The following TCFL5 variants were observed in gnomAD, a reference collection of about 807,000 sequenced individuals.
TCFL5 encodes the protein transcription factor-like 5 protein.
In TCFL5, 9 loss-of-function variants were observed where a neutral mutation model predicts 44.3. The observed-to-expected ratio is 0.20, with a 90% confidence interval of 0.12 to 0.35. The LOEUF is 0.35. Among genes scored for constraint, TCFL5 ranks in the 10% least tolerant of loss-of-function variants. The pLI is 1.00. For missense variants in TCFL5, 603 were observed against 613.4 expected (o/e 0.98, Z 0.18); for synonymous variants, 319 against 271.6 (o/e 1.17, Z -1.72).
chr20:62,860,805 G>C (rs530454806), intron 1 of TCFL5, among the ~76,000 whole-genome samples: 57 of 152,366 alleles, frequency 3.7e-4, no homozygotes, highest in African/African-American at 1.3e-3. Flanking sequence ...CACTGAGGGA[G>C]GGGGTGTTTA....
In TCFL5 at chr20:62,861,548, G is replaced by A. The variant is rs2064010041; in HGVS notation, c.123C>T (p.Thr41=). ...ALGEPGLSFT[T]TDLSLVEMTE... ...TCATCTCCACCAGGCTCAGGTCGGT[G>A]GTCGTGAAGCTCAGCCCCGGCTCGC... Residue 41 remains threonine, a synonymous_variant, in exon 1 of 6, where the codon ACC becomes ACT. Transcript: ENST00000335351. The surrounding 1 kb of genome is among the most constrained non-coding windows in gnomAD (Gnocchi z 4.0). The A allele has an allele frequency of 1.7e-6, 2 of 1,150,600 alleles. No homozygotes were observed. Among genetic ancestry groups the A allele is most frequent in the African/African-American group, 1.7e-5 (1 of 60,598 alleles). The allele number at this position is 1,150,600 out of a possible 1,614,324, so 71.3% of individuals were successfully genotyped here. A position where few individuals can be genotyped will look rare whatever the true frequency, so the allele number is the denominator to read the frequency against.
chr20:62,851,591 C>A (rs2063810507), intron 5 of TCFL5: 3 of 985,270 alleles, frequency 3.0e-6, no homozygotes, highest in Non-Finnish European at 3.6e-6. Context: ...CATAAACGAT[C>A]CGATCAGAAT....
At chr20:62,853,825 A>T (rs1426966331) in intron 5 of TCFL5, among the ~76,000 whole-genome samples, 191 bp downstream of exon 5, 1 of 152,232 alleles carries the variant, frequency 6.6e-6, no homozygotes, top group East Asian at 1.9e-4. Context: ...TAACACATGT[A>T]GGCTGTGACT....
intron 5 of TCFL5, 39 bp downstream of exon 5, chr20:62,853,977 T>C: frequency 5.6e-6 from 9 of 1,604,678 alleles, no homozygotes; most frequent in Non-Finnish European, 7.7e-6. Context: ...TTAAGTAAAA[T>C]TTGTAAAATT....
intron 5 of TCFL5, chr20:62,845,070 C>T (rs2063723953): frequency 1.0e-6 from 1 of 985,682 alleles, no homozygotes; most frequent in Non-Finnish European, 1.2e-6. Flanking sequence ...TTTCCAACTA[C>T]TGTGTGCACT....
At chr20:62,845,473 T>G in intron 5 of TCFL5, 1 of 1,369,300 alleles carries the variant, frequency 7.3e-7, no homozygotes, top group Non-Finnish European at 9.4e-7. Flanking sequence ...TGACCCCACA[T>G]TTTGATAATT....
In TCFL5 at chr20:62,841,075, A is replaced by ATGAT. The variant is rs1055015602; in HGVS notation, c.*896_*899dup. The ATGAT allele has an allele frequency of 1.9e-5, 5 of 259,334 alleles. No individual in the cohort carries two copies. Among genetic ancestry groups the ATGAT allele is most frequent in the African/African-American group, 9.1e-5 (4 of 44,026 alleles). The allele number at this position is 259,334 out of a possible 1,614,324, so 16.1% of individuals were successfully genotyped here. On this transcript the variant is annotated 3_prime_UTR_variant, in exon 6 of 6. Transcript: ENST00000335351. ...AAGACTATGATCTCATCCCAATAAA[A>ATGAT]TGATATATTAAACCTTCAGATTAAT...
In TCFL5 at chr20:62,861,225, C is replaced by A; in HGVS notation, c.446G>T (p.Gly149Val). ...AAEKTSGGGD[G>V]ARARADGAAK... is the part of the protein sequence containing the mutation. The stretch of plus-strand genomic sequence containing the variant: ...GGCGCCGTCGGCCCGGGCCCTCGCT[C>A]CGTCCCCGCCGCCCGACGTCTTCTC... Residue 149 changes from glycine to valine, a missense_variant, in exon 1 of 6, where the codon GGA (glycine) becomes GTA (valine). Gly to Val is a moderately radical substitution (Grantham distance 109, BLOSUM62 -3). Transcript: ENST00000335351. This position sits in a 1 kb window ranked among gnomAD's most constrained non-coding sequence, Gnocchi z 4.0. 2 of 1,155,660 alleles carry A rather than the reference C, an allele frequency of 1.7e-6. No individual in the cohort carries two copies. Among genetic ancestry groups the A allele is most frequent in the South Asian group, 3.8e-5 (2 of 52,448 alleles). The allele number at this position is 1,155,660 out of a possible 1,614,324, so 71.6% of individuals were successfully genotyped here.
At chr20:62,843,854 T>C (rs1254743904) in intron 5 of TCFL5, among the ~76,000 whole-genome samples, 1 of 152,256 alleles carries the variant, frequency 6.6e-6, no homozygotes, top group Non-Finnish European at 1.5e-5. Context: ...GTGTGCCCTG[T>C]TGTGACTGGC....
At chr20:62,844,179 C>T (rs2063709795) in intron 5 of TCFL5, among the ~76,000 whole-genome samples, 1 of 152,190 alleles carries the variant, frequency 6.6e-6, no homozygotes, top group South Asian at 2.1e-4. Context: ...CATTTCACAC[C>T]CCCAGCGGCA....
Position 62,852,845 on chromosome 20 carries a change from A to G in TCFL5, c.1380+1171T>C, listed in dbSNP as rs1390583068. ...CCACAAAGGTATAGTCAACCAGTCC[A>G]CAAAAGTATGTTCACCCAGTCCATG... On this transcript the variant is annotated intron_variant, in intron 5 of 5. Coordinates refer to ENST00000335351, the MANE Select transcript of TCFL5 (RefSeq NM_006602.4). 2.3e-6 allele frequency: 3 copies of G among 1,289,354 alleles called. No individual in the cohort carries two copies. The Admixed American group carries it at 6.9e-5, about 30-fold the overall frequency. The allele number at this position is 1,289,354 out of a possible 1,614,324, so 79.9% of individuals were successfully genotyped here.
rs553675972 is a variant in TCFL5 at position 62,846,545 on chromosome 20, A to G, written c.1381-4448T>C. ...TTTTAAAGGAATTTTTATAACATCA[A>G]AACATTGAGATGACAACGTCCCAAA... On this transcript the variant is annotated intron_variant, in intron 5 of 5. Transcript: ENST00000335351. Among the ~76,000 whole-genome samples, 22 of 152,338 alleles carry G rather than the reference A, an allele frequency of 1.4e-4. No individual in the cohort carries two copies. In the East Asian group the frequency reaches 4.2e-3, roughly 29 times the overall value.
At chr20:62,858,878 G>A (rs1600859207) in intron 3 of TCFL5, among the ~76,000 whole-genome samples, 2 of 152,228 alleles carry the variant, frequency 1.3e-5, no homozygotes, top group East Asian at 3.9e-4. Context: ...GGACTATGCA[G>A]GTTAGCGCAG....
chr20:62,845,155 CTT>C (rs2063724888), intron 5 of TCFL5: 104 of 983,060 alleles, frequency 1.1e-4, no homozygotes, highest in Non-Finnish European at 1.2e-4. Flanking sequence ...GAGTTTCACT[CTT>C]GTCGCCCAGA....
chr20:62,857,337 C>T, intron 4 of TCFL5, 58 bp downstream of exon 4: 1 of 1,594,188 alleles, frequency 6.3e-7, no homozygotes, highest in Non-Finnish European at 8.6e-7. Context: ...CTGTGATAAC[C>T]ATGTATGACT....
rs1239703001 is a variant in TCFL5 at position 62,861,026 on chromosome 20, G to A, written c.645C>T (p.Asn215=). 1.0e-6 allele frequency: 1 copy of A among 994,030 alleles called. No individual in the cohort carries two copies. The highest frequency in any genetic ancestry group is 1.2e-6 in the Non-Finnish European group (1 of 836,820). The allele number at this position is 994,030 out of a possible 1,614,324, so 61.6% of individuals were successfully genotyped here. A position where few individuals can be genotyped will look rare whatever the true frequency, so the allele number is the denominator to read the frequency against. Residue 215 remains asparagine, a splice_region_variant and synonymous_variant, in exon 1 of 6, where the codon AAC becomes AAT. Transcript: ENST00000335351. This position sits in a 1 kb window ranked among gnomAD's most constrained non-coding sequence, Gnocchi z 4.0. The part of the protein sequence containing the change: ...PEPPEPGGAL[N]NLVTLIRHPS... ...GCCCCCGGCCGCCGGGCACGCACTTGTTGAGCGCCCCGCCCGGCTCGGGGG... is the reference window on the plus strand; with the variant it reads ...GCCCCCGGCCGCCGGGCACGCACTTATTGAGCGCCCCGCCCGGCTCGGGGG...
chr20:62,843,488 G>A (rs1173531775), intron 5 of TCFL5, among the ~76,000 whole-genome samples: 1 of 152,124 alleles, frequency 6.6e-6, no homozygotes, highest in Non-Finnish European at 1.5e-5. Context: ...CTGAGTTAGA[G>A]GGACCTGGGA....
At chr20:62,845,250 T>C in intron 5 of TCFL5, 2 of 775,828 alleles carry the variant, frequency 2.6e-6, no homozygotes, top group Non-Finnish European at 3.2e-6. Flanking sequence ...GCCTCCTGAG[T>C]AGCTGGGATT....
intron 3 of TCFL5, among the ~76,000 whole-genome samples, chr20:62,859,079 G>A (rs1217486495): frequency 6.6e-6 from 1 of 152,158 alleles, no homozygotes; most frequent in Non-Finnish European, 1.5e-5. Context: ...TCAGTAACTT[G>A]AAAATAACTG....
Sources: allele counts gnomAD v4.1 joint callset (sites outside exome capture counted in the v4.1 genomes callset), GRCh38; gene constraint gnomAD v4.1.1; non-coding constraint Gnocchi (gnomAD v3.1); transcripts MANE v1.5; gene names NCBI Gene and HGNC (gene_info 2026-07-23, HGNC 2026-07-21).